DLG2: variants seen among roughly 807,000 people sequenced by gnomAD.
The protein encoded by DLG2 is discs large MAGUK scaffold protein 2.
In DLG2, 45 loss-of-function variants were observed where a neutral mutation model predicts 132.5. The observed-to-expected ratio is 0.34, with a 90% CI of 0.27 to 0.44. DLG2 has a LOEUF of 0.44. Among genes scored for constraint, DLG2 ranks in the 20% least tolerant of loss-of-function variants. DLG2 has a pLI of 1.00. For missense variants in DLG2, 1,045 were observed against 1,196.9 expected, an observed-to-expected ratio of 0.87 and a Z score of 1.87; for synonymous variants, 424 against 419.6, an observed-to-expected ratio of 1.01 and a Z score of -0.13.
intron 6 of DLG2, among the ~76,000 whole-genome samples, chr11:85,047,621 A>C (rs1593211424): frequency 6.6e-6 from 1 of 152,042 alleles, no homozygotes; most frequent in African/African-American, 2.4e-5. Flanking sequence ...ATGGGAACAA[A>C]GTCACTCATA....
chr11:84,420,729 C>T (rs1300990760), intron 7 of DLG2, among the ~76,000 whole-genome samples: 3 of 118,294 alleles, frequency 2.5e-5, no homozygotes, highest in African/African-American at 6.4e-5. Context: ...AGTGCAGTGG[C>T]GGGATCTCGG....
At chr11:84,805,800 T>G (rs1482833981) in intron 6 of DLG2, among the ~76,000 whole-genome samples, 2 of 152,214 alleles carry the variant, frequency 1.3e-5, no homozygotes, top group African/African-American at 4.8e-5. Context: ...TTCAAACATT[T>G]TTTTTTAAAT....
intron 17 of DLG2, among the ~76,000 whole-genome samples, chr11:83,802,531 T>C (rs979588367): frequency 1.1e-4 from 17 of 152,200 alleles, no homozygotes; most frequent in Non-Finnish European, 2.2e-4. Flanking sequence ...AAGTGCTCTA[T>C]TATTCTTTAT....
intron 7 of DLG2, among the ~76,000 whole-genome samples, chr11:84,302,913 C>T (rs1013688468): frequency 1.3e-5 from 2 of 151,848 alleles, no homozygotes; most frequent in African/African-American, 4.8e-5. Flanking sequence ...GTGGTCAAAA[C>T]GTGTCTCTAC....
At chr11:85,473,803 G>A (rs1304457320) in intron 3 of DLG2, among the ~76,000 whole-genome samples, 1 of 151,858 alleles carries the variant, frequency 6.6e-6, no homozygotes, top group African/African-American at 2.4e-5. Flanking sequence ...AAATGAAAAG[G>A]TAGCAAAGAA....
At chr11:83,778,511 T>G (rs893246716) in intron 18 of DLG2, among the ~76,000 whole-genome samples, 13 of 152,066 alleles carry the variant, frequency 8.5e-5, no homozygotes, top group Non-Finnish European at 2.9e-5. Flanking sequence ...GGAATGAAAG[T>G]TTTTATGGGG....
chr11:84,709,212 G>A (rs542604312), intron 6 of DLG2, among the ~76,000 whole-genome samples: 1 of 151,986 alleles, frequency 6.6e-6, no homozygotes, highest in South Asian at 2.1e-4. Context: ...GCAAAGTGAT[G>A]GCACTTGGTG....
chr11:84,613,442 A>G (rs1462260744), intron 6 of DLG2, among the ~76,000 whole-genome samples: 1 of 152,054 alleles, frequency 6.6e-6, no homozygotes, highest in Non-Finnish European at 1.5e-5. Flanking sequence ...CTACCTACTC[A>G]GCTTGGACAA....
At chr11:85,267,894 G>GTT (rs71778346) in intron 4 of DLG2, among the ~76,000 whole-genome samples, 1 of 151,782 alleles carries the variant, frequency 6.6e-6, no homozygotes, top group Non-Finnish European at 1.5e-5. Context: ...ATGTGTGTGT[G>GTT]TGTGTGTGTG....
chr11:85,494,880 T>A (rs1179111351), intron 3 of DLG2, among the ~76,000 whole-genome samples: 1 of 99,292 alleles, frequency 1.0e-5, no homozygotes, highest in Non-Finnish European at 2.4e-5. Flanking sequence ...AATCATGAAG[T>A]AAAAGTGATA....
intron 6 of DLG2, among the ~76,000 whole-genome samples, chr11:84,598,607 A>C (rs2154531820): frequency 6.6e-6 from 1 of 152,174 alleles, no homozygotes; most frequent in South Asian, 2.1e-4. Flanking sequence ...TCCTCTGATA[A>C]TATTTTAGTT....
At chr11:84,415,632 T>C (rs570716547) in intron 7 of DLG2, among the ~76,000 whole-genome samples, 36 of 152,288 alleles carry the variant, frequency 2.4e-4, no homozygotes, top group South Asian at 1.7e-3. Context: ...AGATTTGTCA[T>C]AGGTGTGGCC....
intron 7 of DLG2, among the ~76,000 whole-genome samples, chr11:84,520,120 G>A (rs1010021976): frequency 1.3e-5 from 2 of 152,054 alleles, no homozygotes; most frequent in Non-Finnish European, 2.9e-5. Flanking sequence ...TTATGAGGCA[G>A]GTCATTCTCT....
intron 3 of DLG2, among the ~76,000 whole-genome samples, chr11:85,572,841 C>A (rs1201402820): frequency 6.6e-6 from 1 of 152,170 alleles, no homozygotes; most frequent in Non-Finnish European, 1.5e-5. Flanking sequence ...TTCAAATAAC[C>A]TTTGATATAG....
chr11:84,185,414 T>A (rs1181676336), intron 8 of DLG2, among the ~76,000 whole-genome samples: 2 of 152,218 alleles, frequency 1.3e-5, no homozygotes, highest in African/African-American at 2.4e-5. Context: ...TTTTTGTACA[T>A]TGATTTTGTA....
chr11:84,995,224 T>C (rs1368961366), intron 6 of DLG2, among the ~76,000 whole-genome samples: 1 of 152,286 alleles, frequency 6.6e-6, no homozygotes, highest in Middle Eastern at 3.4e-3. Context: ...ATGATGACAT[T>C]TGTAAAACTA....
intron 18 of DLG2, among the ~76,000 whole-genome samples, chr11:83,729,746 T>C (rs1446937511): frequency 6.6e-6 from 1 of 152,218 alleles, no homozygotes; most frequent in East Asian, 1.9e-4. Flanking sequence ...TAGACTCCAG[T>C]CTGGGCAAAG....
chr11:84,984,911 C>T (rs2056280195), intron 6 of DLG2, among the ~76,000 whole-genome samples: 1 of 152,162 alleles, frequency 6.6e-6, no homozygotes, highest in Non-Finnish European at 1.5e-5. Context: ...ATAATGATAA[C>T]AGGCCTTGTC....
intron 3 of DLG2, among the ~76,000 whole-genome samples, chr11:85,342,450 A>G (rs986754018): frequency 1.3e-5 from 2 of 152,186 alleles, no homozygotes; most frequent in African/African-American, 2.4e-5. Context: ...GTTCAGGGGC[A>G]TGGAGCTGTC....
Sources: allele counts gnomAD v4.1 joint callset (sites outside exome capture counted in the v4.1 genomes callset), GRCh38; gene constraint gnomAD v4.1.1; transcripts MANE v1.5; gene names NCBI Gene and HGNC (gene_info 2026-07-23, HGNC 2026-07-21).